The following PAM variants were observed in gnomAD, a reference collection of about 807,000 sequenced individuals.
PAM encodes peptidylglycine alpha-amidating monooxygenase, also known as peptidyl-glycine alpha-amidating monooxygenase.
A neutral mutation model predicts 122.1 loss-of-function variants in PAM; 72 were observed. The observed-to-expected ratio is 0.59, with a 90% CI of 0.49 to 0.72. The LOEUF (loss-of-function observed/expected upper bound fraction) is 0.72, where lower values mean the gene tolerates loss of function less well. Among genes scored for constraint, PAM ranks in the 30% least tolerant of loss-of-function variants. PAM has a pLI of 0.00. For synonymous variants in PAM, 389 were observed against 404.4 expected, an observed-to-expected ratio of 0.96 and a Z score of 0.46; for missense variants, 1,106 against 1,183.7, an observed-to-expected ratio of 0.93 and a Z score of 0.96.
intron 4 of PAM, among the ~76,000 whole-genome samples, chr5:102,902,358 C>T (rs531200213): frequency 6.6e-6 from 1 of 151,672 alleles, no homozygotes; most frequent in South Asian, 2.1e-4. Context: ...TATTCACACA[C>T]ATTGGTGGCA....
At chr5:102,998,818 T>C (rs1429509884) in intron 16 of PAM, among the ~76,000 whole-genome samples, 2 of 152,334 alleles carry the variant, frequency 1.3e-5, no homozygotes, top group African/African-American at 4.8e-5. Context: ...TAGATTGCCA[T>C]TGTGCCTTTA....
chr5:102,933,528 A>G (rs1752265004), intron 7 of PAM, among the ~76,000 whole-genome samples: 1 of 152,242 alleles, frequency 6.6e-6, no homozygotes, highest in Admixed American at 6.5e-5. Flanking sequence ...TCCTGAACAC[A>G]GGGTGTGCAT....
chr5:102,952,459 G>C (rs576673435), intron 12 of PAM, among the ~76,000 whole-genome samples: 1 of 151,954 alleles, frequency 6.6e-6, no homozygotes, highest in East Asian at 1.9e-4. Flanking sequence ...TCTCATGTGG[G>C]CTAAAGGAAA....
At chr5:102,889,500 A>G (rs1794129161) in intron 3 of PAM, among the ~76,000 whole-genome samples, 1 of 151,534 alleles carries the variant, frequency 6.6e-6, no homozygotes, top group Admixed American at 6.6e-5. Flanking sequence ...GCTTCCCTTA[A>G]CCTAGCCGTC....
chr5:102,810,947 T>C (rs1767740119), intron 1 of PAM, among the ~76,000 whole-genome samples: 1 of 152,202 alleles, frequency 6.6e-6, no homozygotes, highest in Admixed American at 6.5e-5. Context: ...GCTTGGGTTG[T>C]GAGGGACTGG....
At position 103,024,287 on chromosome 5, in the gene PAM, A is replaced by C. The variant is rs1316333041; in HGVS notation, c.2486-844A>C. On this transcript the variant is annotated intron_variant, in intron 23 of 25. Coordinates refer to ENST00000438793, the MANE Select transcript of PAM (RefSeq NM_001177306.2). ...CTCATTTTCATATCATTAGTTATTA[A>C]GATCACTGCAGCAGCTTATATAGTT... Among the ~76,000 whole-genome samples, 4 of 152,160 alleles carry C rather than the reference A, an allele frequency of 2.6e-5. No individual in the cohort carries two copies. In the East Asian group the frequency reaches 7.7e-4, roughly 29 times the overall value.
chr5:102,859,806 C>A (rs1783644290), intron 1 of PAM, among the ~76,000 whole-genome samples: 1 of 152,096 alleles, frequency 6.6e-6, no homozygotes, highest in Non-Finnish European at 1.5e-5. Context: ...TTTTACTGTA[C>A]CTTTTCTATG....
chr5:102,834,923 T>C (rs1362204088), intron 1 of PAM, among the ~76,000 whole-genome samples: 1 of 152,078 alleles, frequency 6.6e-6, no homozygotes, highest in Non-Finnish European at 1.5e-5. Context: ...GACACAAAGA[T>C]AGTGTCTATC....
intron 15 of PAM, among the ~76,000 whole-genome samples, chr5:102,989,340 G>C (rs1283078925): frequency 2.6e-5 from 4 of 151,932 alleles, no homozygotes; most frequent in Non-Finnish European, 2.9e-5. Context: ...GCCATCTCTC[G>C]AATAAATTTT....
chr5:102,779,766 A>T (rs1418825534), intron 1 of PAM, among the ~76,000 whole-genome samples: 2 of 151,348 alleles, frequency 1.3e-5, no homozygotes, highest in South Asian at 2.1e-4. Context: ...GCCCTCAAAC[A>T]TCAGACTCCA....
At chr5:102,933,318 C>A (rs1185343382) in intron 7 of PAM, among the ~76,000 whole-genome samples, 1 of 152,138 alleles carries the variant, frequency 6.6e-6, no homozygotes, top group Non-Finnish European at 1.5e-5. Flanking sequence ...GCTTGCAGCC[C>A]TTAAGGGAAA....
chr5:102,848,435 G>A (rs1379149259), intron 1 of PAM, among the ~76,000 whole-genome samples: 1 of 152,176 alleles, frequency 6.6e-6, no homozygotes, highest in African/African-American at 2.4e-5. Flanking sequence ...CTGGATAACT[G>A]AAAAGCCTCA....
At chr5:102,815,502 C>G (rs145977641) in intron 1 of PAM, among the ~76,000 whole-genome samples, 26 of 152,190 alleles carry the variant, frequency 1.7e-4, no homozygotes, top group African/African-American at 6.0e-4. Flanking sequence ...GTTTAAACAC[C>G]CCCAAACCTT....
intron 16 of PAM, among the ~76,000 whole-genome samples, chr5:102,996,823 T>G (rs1027559785): frequency 2.0e-5 from 3 of 152,204 alleles, no homozygotes; most frequent in African/African-American, 7.2e-5. Flanking sequence ...GAATTCTGGG[T>G]TTTTCTTATT....
rs544278897 is a variant in PAM at position 102,941,979 on chromosome 5, T to A, written c.527-4858T>A. Among the ~76,000 whole-genome samples the A allele has an allele frequency of 7.9e-5, 12 of 152,156 alleles. No homozygotes were observed. The South Asian group carries it at 1.7e-3, about 21-fold the overall frequency. On this transcript the variant is annotated intron_variant, in intron 7 of 25. Coordinates refer to ENST00000438793, the MANE Select transcript of PAM (RefSeq NM_001177306.2). ...GTTGGGTTCATTTTTTATTTGCCTC[T>A]CATACCTATGTCCCATCTCTCTGCA... is the stretch of plus-strand genomic sequence containing the variant.
In PAM at chr5:103,019,833, G is replaced by A; in HGVS notation, c.2475G>A (p.Gln825=). 5 of 1,602,862 alleles carry A rather than the reference G, an allele frequency of 3.1e-6. No individual in the cohort carries two copies. Among genetic ancestry groups the A allele is most frequent in the Non-Finnish European group, 4.3e-6 (5 of 1,169,884 alleles). The stretch of plus-strand genomic sequence containing the variant: ...TTAAAAAGGCTGGCATTGAGGTCCA[G>A]GAAATCAAAGGTTGGTCAGATTCCT... ...RSVKKAGIEV[Q]EIKEAEAVVE... Residue 825 remains glutamine, a synonymous_variant, in exon 23 of 26, where the codon CAG becomes CAA. Coordinates refer to ENST00000438793, the MANE Select transcript of PAM (RefSeq NM_001177306.2).
chr5:102,781,569 G>T (rs1758950458), intron 1 of PAM, among the ~76,000 whole-genome samples: 1 of 152,170 alleles, frequency 6.6e-6, no homozygotes, highest in Admixed American at 6.5e-5. Context: ...CCCCTGTGCT[G>T]TTCCTTTTAC....
chr5:103,028,797 C>A, intron 25 of PAM, 90 bp from the exon 26 acceptor site: 1 of 824,232 alleles, frequency 1.2e-6, no homozygotes, highest in Non-Finnish European at 2.0e-6. Context: ...TTCCCATCCC[C>A]ACCTTCTGAC....
chr5:102,811,635 A>G (rs1033859866), intron 1 of PAM, among the ~76,000 whole-genome samples: 1 of 152,212 alleles, frequency 6.6e-6, no homozygotes, highest in African/African-American at 2.4e-5. Context: ...TTTGGGGGCC[A>G]TTATTCTACC....
Sources: allele counts gnomAD v4.1 joint callset (sites outside exome capture counted in the v4.1 genomes callset), GRCh38; gene constraint gnomAD v4.1.1; transcripts MANE v1.5; gene names NCBI Gene and HGNC (gene_info 2026-07-23, HGNC 2026-07-21).